The following SGCZ variants were observed in gnomAD, a reference collection of about 807,000 sequenced individuals.
The protein encoded by SGCZ is zeta-sarcoglycan.
SGCZ carries 40 observed loss-of-function variants against 41.3 expected under a neutral mutation model. That is an observed-to-expected ratio of 0.97 (90% CI 0.75 to 1.26). SGCZ has a LOEUF of 1.26. Ranked by LOEUF, SGCZ falls within the 50% of genes most tolerant of loss-of-function variation. The pLI, the probability that SGCZ is intolerant of heterozygous loss-of-function variation, is 0.00. For missense variants in SGCZ, 552 were observed against 369.8 expected (o/e 1.49, Z -4.04); for synonymous variants, 206 against 137.5 (o/e 1.50, Z -3.49).
intron 4 of SGCZ, among the ~76,000 whole-genome samples, chr8:14,199,929 T>C (rs542095224): frequency 5.9e-5 from 9 of 152,348 alleles, no homozygotes; most frequent in Admixed American, 4.6e-4. Flanking sequence ...AGTTTTGCTG[T>C]TGTAACTCAA....
intron 1 of SGCZ, among the ~76,000 whole-genome samples, chr8:15,103,272 A>G (rs545851452): frequency 1.7e-4 from 26 of 152,176 alleles, no homozygotes; most frequent in African/African-American, 6.0e-4. Context: ...ATGATGGCGC[A>G]TGCCTGTATA....
chr8:15,097,912 GTGTGTATA>G (rs1806445726), intron 1 of SGCZ, among the ~76,000 whole-genome samples: 1 of 122,556 alleles, frequency 8.2e-6, no homozygotes, highest in African/African-American at 3.3e-5. Context: ...ATATATATAC[GTGTGTATA>G]TATATATATA....
rs189186514 is a variant in SGCZ at position 14,994,208 on chromosome 8, G to C, written c.39+243377C>G. Among the ~76,000 whole-genome samples the C allele has an allele frequency of 2.5e-3, 388 of 152,242 alleles. 1 individual carries two copies. The highest frequency in any genetic ancestry group is 9.0e-3 in the African/African-American group (375 of 41,538). On this transcript the variant is annotated intron_variant, in intron 1 of 7. Coordinates refer to ENST00000382080, the MANE Select transcript of SGCZ (RefSeq NM_139167.4). ...ATCTCCCCACATTTGGTCTCATCAT[G>C]GGCTGTTACAGAACCATGGGCATCT...
chr8:14,914,228 G>C (rs964299782), intron 1 of SGCZ, among the ~76,000 whole-genome samples: 9 of 141,810 alleles, frequency 6.3e-5, no homozygotes, highest in Non-Finnish European at 1.3e-4. Flanking sequence ...AAATATGTAT[G>C]CGTATATATA....
intron 1 of SGCZ, among the ~76,000 whole-genome samples, chr8:15,097,784 GTATATATATATACGTGTA>G (rs1806407892): frequency 1.6e-5 from 2 of 127,948 alleles, no homozygotes; most frequent in African/African-American, 6.5e-5. Context: ...ATATATACGT[GTATATATATATACGTGTA>G]TATATATATA....
chr8:15,063,448 C>T (rs748200301), intron 1 of SGCZ, among the ~76,000 whole-genome samples: 2 of 152,028 alleles, frequency 1.3e-5, no homozygotes, highest in Non-Finnish European at 2.9e-5. Context: ...TAAAGTGAGA[C>T]AAAATAATTC....
At chr8:14,143,300 A>G (rs1412142509) in intron 5 of SGCZ, among the ~76,000 whole-genome samples, 2 of 152,202 alleles carry the variant, frequency 1.3e-5, no homozygotes, top group South Asian at 4.1e-4. Flanking sequence ...CTAAAATAGC[A>G]CTTGGATTTC....
chr8:14,180,124 A>G (rs1585206307), intron 4 of SGCZ, among the ~76,000 whole-genome samples: 1 of 152,174 alleles, frequency 6.6e-6, no homozygotes, highest in East Asian at 1.9e-4. Context: ...TCTTAGAGCA[A>G]CGACTACTGG....
At chr8:14,600,554 C>T (rs961255160) in intron 1 of SGCZ, among the ~76,000 whole-genome samples, 5 of 152,120 alleles carry the variant, frequency 3.3e-5, no homozygotes, top group Non-Finnish European at 7.4e-5. Context: ...AATATGGATT[C>T]CTATTAGCCA....
chr8:14,818,566 C>G (rs750485160), intron 1 of SGCZ, among the ~76,000 whole-genome samples: 1 of 152,024 alleles, frequency 6.6e-6, no homozygotes, highest in South Asian at 2.1e-4. Flanking sequence ...TACAATAAGT[C>G]TCCACTAACA....
In SGCZ at chr8:14,164,573, A is replaced by G. The variant is rs1321542044; in HGVS notation, c.547+7T>C. 3.1e-6 allele frequency: 5 copies of G among 1,613,198 alleles called. No individual in the cohort carries two copies. In the African/African-American group the frequency reaches 4.0e-5, roughly 13 times the overall value. ...AAACAATTTTTCAAGACCTCCATCTACAGTACCTGTAACTTTCAGCTTTTC... is the reference window on the plus strand; with the variant it reads ...AAACAATTTTTCAAGACCTCCATCTGCAGTACCTGTAACTTTCAGCTTTTC... On this transcript the variant is annotated splice_region_variant and intron_variant, in intron 5 of 7. Transcript: ENST00000382080.
chr8:14,125,207 C>T (rs575363709), intron 5 of SGCZ, among the ~76,000 whole-genome samples: 27 of 152,176 alleles, frequency 1.8e-4, no homozygotes, highest in African/African-American at 3.4e-4. Context: ...GTTGGCCAGG[C>T]GTGGTGGCTC....
chr8:15,069,369 C>T (rs963805018), intron 1 of SGCZ, among the ~76,000 whole-genome samples: 8 of 152,056 alleles, frequency 5.3e-5, no homozygotes, highest in African/African-American at 1.9e-4. Context: ...TGGTCAAAGT[C>T]TAGAATTGCT....
chr8:14,863,929 C>G (rs565528264), intron 1 of SGCZ, among the ~76,000 whole-genome samples: 168 of 152,132 alleles, frequency 1.1e-3, no homozygotes, highest in African/African-American at 3.8e-3. Flanking sequence ...AAGAAATGAC[C>G]AGAACTTTGT....
chr8:15,084,672 A>T (rs970557508), intron 1 of SGCZ, among the ~76,000 whole-genome samples: 5 of 152,144 alleles, frequency 3.3e-5, no homozygotes, highest in African/African-American at 1.2e-4. Context: ...GAATCACTTG[A>T]TTCTGGGAGG....
At chr8:14,723,488 G>T (rs1195660006) in intron 1 of SGCZ, among the ~76,000 whole-genome samples, 1 of 152,102 alleles carries the variant, frequency 6.6e-6, no homozygotes, top group African/African-American at 2.4e-5. Context: ...CTTAGCAGGC[G>T]TGGAGCTGGG....
chr8:15,058,149 T>G (rs550948612), intron 1 of SGCZ, among the ~76,000 whole-genome samples: 9 of 152,330 alleles, frequency 5.9e-5, no homozygotes, highest in African/African-American at 2.2e-4. Flanking sequence ...ACCATACACA[T>G]GAACACTAAT....
chr8:14,613,126 T>C (rs1805984023), intron 1 of SGCZ, among the ~76,000 whole-genome samples: 3 of 152,124 alleles, frequency 2.0e-5, no homozygotes, highest in African/African-American at 7.2e-5. Context: ...TCAGGGAGAG[T>C]GAACCTGCTG....
At chr8:15,212,019 T>C (rs1388625234) in intron 1 of SGCZ, among the ~76,000 whole-genome samples, 1 of 152,162 alleles carries the variant, frequency 6.6e-6, no homozygotes, top group East Asian at 1.9e-4. Flanking sequence ...TTTGAGTGTC[T>C]ACATTAGTCA....
Sources: gnomAD v4.1 joint callset for allele counts (sites outside exome capture counted in the v4.1 genomes callset) on GRCh38, gnomAD v4.1.1 for gene constraint, MANE v1.5 for transcripts, NCBI Gene and HGNC (gene_info 2026-07-23, HGNC 2026-07-21) for gene names.